Variants in MLIP observed in about 807,000 individuals in gnomAD.
MLIP encodes the protein muscular LMNA interacting protein.
In MLIP, 79 loss-of-function variants were observed where a neutral mutation model predicts 84.8. The observed-to-expected ratio is 0.93, with a 90% CI of 0.78 to 1.12. MLIP has a LOEUF of 1.12. Among genes scored for constraint, MLIP ranks in the 50% most tolerant of loss-of-function variants. The pLI is 0.00. For missense variants in MLIP, 1,257 were observed against 1,160.6 expected (o/e 1.08, Z -1.21); for synonymous variants, 504 against 463.0 (o/e 1.09, Z -1.14).
At chr6:54,193,155 G>A (rs1403034002) in intron 10 of MLIP, among the ~76,000 whole-genome samples, 2 of 152,146 alleles carry the variant, frequency 1.3e-5, no homozygotes, top group Non-Finnish European at 2.9e-5. Context: ...AGACTGTTTT[G>A]GAGGTTCATG....
intron 1 of MLIP, among the ~76,000 whole-genome samples, chr6:54,077,900 T>C (rs1336643544): frequency 1.3e-5 from 2 of 152,234 alleles, no homozygotes; most frequent in African/African-American, 4.8e-5. Context: ...TTATGGAGCA[T>C]TTTTTCGTGG....
At chr6:54,206,097 A>G (rs1167291722) in intron 11 of MLIP, among the ~76,000 whole-genome samples, 2 of 152,232 alleles carry the variant, frequency 1.3e-5, no homozygotes, top group East Asian at 1.9e-4. Flanking sequence ...TGAAGATGCT[A>G]AAGAGCTGAA....
chr6:54,058,085 A>G (rs1051659275), intron 1 of MLIP: 2 of 152,250 alleles, frequency 1.3e-5, no homozygotes, highest in Middle Eastern at 3.4e-3. Flanking sequence ...GCTTAGAAAA[A>G]TATACTCTGT....
chr6:54,263,330 C>A (rs760451112), intron 13 of MLIP, among the ~76,000 whole-genome samples: 1 of 151,934 alleles, frequency 6.6e-6, no homozygotes, highest in Non-Finnish European at 1.5e-5. Context: ...AATTACTGAA[C>A]GTTTTATAGC....
intron 12 of MLIP, among the ~76,000 whole-genome samples, chr6:54,247,176 C>T (rs991638351): frequency 6.6e-6 from 1 of 152,104 alleles, no homozygotes; most frequent in Non-Finnish European, 1.5e-5. Flanking sequence ...CAGGTGATAT[C>T]GTAGGCAAAT....
At chr6:54,153,255 G>A (rs530777142) in intron 5 of MLIP, among the ~76,000 whole-genome samples, 30 of 152,012 alleles carry the variant, frequency 2.0e-4, no homozygotes, top group Non-Finnish European at 3.4e-4. Context: ...TAAAAACGAC[G>A]GCATAAAAAG....
chr6:54,227,941 T>C (rs1359300153), intron 11 of MLIP, among the ~76,000 whole-genome samples: 2 of 152,036 alleles, frequency 1.3e-5, no homozygotes, highest in Non-Finnish European at 2.9e-5. Context: ...CCCAGCACTT[T>C]GGGAGGCCGA....
intron 1 of MLIP, among the ~76,000 whole-genome samples, chr6:54,086,693 C>A (rs915387182): frequency 6.6e-6 from 1 of 152,188 alleles, no homozygotes; most frequent in South Asian, 2.1e-4. Flanking sequence ...TCCCCAGGGT[C>A]ATTTTCTCCA....
intron 1 of MLIP, among the ~76,000 whole-genome samples, chr6:54,029,732 T>C (rs1473346376): frequency 6.6e-6 from 1 of 152,188 alleles, no homozygotes; most frequent in Non-Finnish European, 1.5e-5. Flanking sequence ...TAACCAAAAT[T>C]ATGTCATTTC....
Position 54,125,536 on chromosome 6 carries a change from G to A in MLIP, c.645+671G>A, listed in dbSNP as rs775411305. ...AGAAGACCCACATCTGTGATGGCAG[G>A]AAAGAAAGGATGCGGACAAGGAGGC... On this transcript the variant is annotated intron_variant, in intron 3 of 13. Transcript: ENST00000502396. Among the ~76,000 whole-genome samples, 184 of 152,288 alleles carry A rather than the reference G, an allele frequency of 1.2e-3. 1 individual carries two copies. Among genetic ancestry groups the A allele is most frequent in the Non-Finnish European group, 2.5e-3 (169 of 68,022 alleles).
intron 5 of MLIP, among the ~76,000 whole-genome samples, chr6:54,154,275 G>C (rs902678679): frequency 1.3e-5 from 2 of 152,028 alleles, no homozygotes; most frequent in Non-Finnish European, 2.9e-5. Flanking sequence ...AAAAAATAAA[G>C]TAGACTACTG....
At chr6:54,247,570 G>A (rs1782169621) in intron 12 of MLIP, among the ~76,000 whole-genome samples, 1 of 152,252 alleles carries the variant, frequency 6.6e-6, no homozygotes. Context: ...AAACATAAAG[G>A]AGATGGTAAA....
intron 1 of MLIP, among the ~76,000 whole-genome samples, chr6:54,021,284 G>A (rs1400422478): frequency 6.6e-6 from 1 of 151,960 alleles, no homozygotes; most frequent in Non-Finnish European, 1.5e-5. Context: ...TTTAAAAGAA[G>A]AAAATATTTT....
intron 11 of MLIP, among the ~76,000 whole-genome samples, chr6:54,230,035 A>T (rs982158734): frequency 1.3e-5 from 2 of 152,080 alleles, no homozygotes; most frequent in Non-Finnish European, 2.9e-5. Flanking sequence ...TCGTTTTTCC[A>T]TGTTGAAGAC....
chr6:54,051,933 C>T (rs569550023), intron 1 of MLIP, among the ~76,000 whole-genome samples: 13 of 152,024 alleles, frequency 8.6e-5, no homozygotes, highest in Non-Finnish European at 1.5e-4. Context: ...GAATTTATTG[C>T]TTGGTATAAC....
At chr6:54,259,222 T>C (rs1783223663) in intron 13 of MLIP, among the ~76,000 whole-genome samples, 1 of 151,828 alleles carries the variant, frequency 6.6e-6, no homozygotes, top group Non-Finnish European at 1.5e-5. Context: ...TAACTTTTTG[T>C]CAAATGTGTT....
intron 1 of MLIP, among the ~76,000 whole-genome samples, chr6:54,030,377 G>T (rs1209817295): frequency 6.6e-6 from 1 of 152,106 alleles, no homozygotes. Flanking sequence ...GTGCTTCATA[G>T]AATTAATTTA....
chr6:54,211,727 T>C (rs1449036272), intron 11 of MLIP, among the ~76,000 whole-genome samples: 2 of 152,160 alleles, frequency 1.3e-5, no homozygotes, highest in Non-Finnish European at 2.9e-5. Flanking sequence ...CGGCCAGGGA[T>C]AATGCCAAAA....
At chr6:54,071,735 C>A (rs529554577) in intron 1 of MLIP, among the ~76,000 whole-genome samples, 1 of 152,202 alleles carries the variant, frequency 6.6e-6, no homozygotes, top group East Asian at 1.9e-4. Flanking sequence ...TTTAAAAAAT[C>A]TTACTTCATG....
Sources: allele counts gnomAD v4.1 joint callset (sites outside exome capture counted in the v4.1 genomes callset), GRCh38; gene constraint gnomAD v4.1.1; transcripts MANE v1.5; gene names NCBI Gene and HGNC (gene_info 2026-07-23, HGNC 2026-07-21).